The following TIAM2 variants were observed in gnomAD, a reference collection of about 807,000 sequenced individuals.
TIAM2 encodes TIAM Rac1 associated GEF 2.
In TIAM2, 80 loss-of-function variants were observed where a neutral mutation model predicts 152.9. The observed-to-expected ratio is 0.52, with a 90% CI of 0.44 to 0.63. TIAM2 has a LOEUF of 0.63. TIAM2 is among the 30% of genes least tolerant of loss of function. The pLI, the probability that TIAM2 is intolerant of heterozygous loss-of-function variation, is 0.00. For missense variants in TIAM2, 1,965 were observed against 2,120.1 expected (o/e 0.93, Z 1.44); for synonymous variants, 804 against 838.0 (o/e 0.96, Z 0.70).
intron 2 of TIAM2, among the ~76,000 whole-genome samples, chr6:155,125,518 G>A (rs1050602615): frequency 1.3e-5 from 2 of 152,088 alleles, no homozygotes; most frequent in African/African-American, 2.4e-5. Context: ...CAGCTGTTGC[G>A]GAAAACAGTA....
At chr6:155,117,191 A>T (rs1433563624) in intron 2 of TIAM2, among the ~76,000 whole-genome samples, 2 of 152,262 alleles carry the variant, frequency 1.3e-5, no homozygotes, top group East Asian at 3.9e-4. Flanking sequence ...GTAATTTAAA[A>T]AATTAAAAAA....
intron 7 of TIAM2, 81 bp downstream of exon 7, chr6:155,148,415 G>A (rs1235959003): frequency 2.6e-5 from 35 of 1,355,202 alleles, no homozygotes; most frequent in Middle Eastern, 2.6e-4. Flanking sequence ...TCATCTTGGT[G>A]GTATTTCTTG....
At chr6:155,130,684 G>T (rs1324430389) in intron 4 of TIAM2, among the ~76,000 whole-genome samples, 2 of 152,172 alleles carry the variant, frequency 1.3e-5, no homozygotes, top group Non-Finnish European at 2.9e-5. Flanking sequence ...CACAGACTTG[G>T]TTTAATCAAC....
At chr6:155,123,535 C>T (rs1453383089) in intron 2 of TIAM2, among the ~76,000 whole-genome samples, 1 of 152,066 alleles carries the variant, frequency 6.6e-6, no homozygotes, top group African/African-American at 2.4e-5. Flanking sequence ...TAGAAATATC[C>T]CATGAAATAA....
rs779923938 is a variant in TIAM2, at chr6:155,249,898, CAGA to C, written c.3884_3886del (p.Lys1295del). The C allele has an allele frequency of 3.1e-6, 5 of 1,613,974 alleles. No individual in the cohort carries two copies. Among genetic ancestry groups the C allele is most frequent in the South Asian group, 1.1e-5 (1 of 91,072 alleles). ...AGTAGCGAGCCACATCAATGAGATG[CAGA>C]AGATCTATGAGGATTATGGGACCGT... On this transcript the variant is annotated inframe_deletion, in exon 21 of 27. Transcript: ENST00000682666.
chr6:155,037,671 A>G (rs1202382755), intron 1 of TIAM2, among the ~76,000 whole-genome samples: 1 of 152,092 alleles, frequency 6.6e-6, no homozygotes, highest in Non-Finnish European at 1.5e-5. Flanking sequence ...TGGGATTAAC[A>G]GGCACGCACC....
chr6:155,153,833 G>A (rs971541460), intron 7 of TIAM2, among the ~76,000 whole-genome samples: 4 of 152,010 alleles, frequency 2.6e-5, no homozygotes, highest in Admixed American at 6.6e-5. Flanking sequence ...TGTTGACCAG[G>A]CTGTTCTCAA....
chr6:155,066,762 G>GTT (rs72368466), intron 1 of TIAM2, among the ~76,000 whole-genome samples: 4 of 151,092 alleles, frequency 2.6e-5, no homozygotes, highest in African/African-American at 7.3e-5. Context: ...TTGTTTGTTT[G>GTT]TTTGTTTTTT....
intron 15 of TIAM2, among the ~76,000 whole-genome samples, chr6:155,215,250 A>G (rs562215341): frequency 6.6e-6 from 1 of 152,360 alleles, no homozygotes; most frequent in East Asian, 1.9e-4. Flanking sequence ...TATGGTAACT[A>G]AGCAAAACAT....
At chr6:155,159,112 T>C (rs937800342) in intron 7 of TIAM2, among the ~76,000 whole-genome samples, 2 of 149,126 alleles carry the variant, frequency 1.3e-5, no homozygotes, top group African/African-American at 5.2e-5. Flanking sequence ...TATGTCACCT[T>C]CTGAAGAATT....
chr6:155,143,689 G>T (rs1779761695), intron 5 of TIAM2, among the ~76,000 whole-genome samples: 1 of 152,180 alleles, frequency 6.6e-6, no homozygotes, highest in Non-Finnish European at 1.5e-5. Context: ...CTTACATTGA[G>T]ATTCCCTAAA....
At position 155,094,733 on chromosome 6, in the gene TIAM2, T is replaced by TTG. The variant is rs1554229781; in HGVS notation, c.-118+4355_-118+4356insGT. Among the ~76,000 whole-genome samples the TTG allele has an allele frequency of 6.1e-5, 9 of 147,442 alleles. No homozygotes were observed. In the South Asian group the frequency reaches 6.5e-4, roughly 11 times the overall value. On this transcript the variant is annotated intron_variant, in intron 2 of 26. Coordinates refer to ENST00000682666, the MANE Select transcript of TIAM2 (RefSeq NM_012454.4). Reference sequence around the variant, plus strand: ...CCTGGCTATATCTATGGTTTTTTTTTTTTTGTTTTTTTGTTTTTTTGTTTT... The same window carrying TTG: ...CCTGGCTATATCTATGGTTTTTTTTTTGTTTTGTTTTTTTGTTTTTTTGTTTT...
intron 2 of TIAM2, among the ~76,000 whole-genome samples, chr6:155,093,067 C>A (rs1778339392): frequency 6.6e-6 from 1 of 152,164 alleles, no homozygotes; most frequent in Non-Finnish European, 1.5e-5. Flanking sequence ...ATGCCATTTT[C>A]TGTGTGTATA....
chr6:155,065,224 G>A (rs1777666727), intron 1 of TIAM2, among the ~76,000 whole-genome samples: 1 of 152,124 alleles, frequency 6.6e-6, no homozygotes, highest in East Asian at 1.9e-4. Context: ...AAAGTGCTGG[G>A]ATTACAGGCG....
At chr6:155,251,099 A>G (rs1188794861) in intron 22 of TIAM2, 78 bp downstream of exon 22, 1 of 1,257,640 alleles carries the variant, frequency 8.0e-7, no homozygotes, top group African/African-American at 1.5e-5. Flanking sequence ...GCACCAGTCC[A>G]GCTCACTCCT....
chr6:155,225,502 T>C (rs1002442096), intron 15 of TIAM2, among the ~76,000 whole-genome samples: 1 of 152,236 alleles, frequency 6.6e-6, no homozygotes, highest in Non-Finnish European at 1.5e-5. Flanking sequence ...AGAAAGTCTC[T>C]GTTCACATTC....
chr6:155,036,006 C>A (rs1223724303), intron 1 of TIAM2, among the ~76,000 whole-genome samples: 1 of 152,040 alleles, frequency 6.6e-6, no homozygotes, highest in African/African-American at 2.4e-5. Context: ...TTGGGTAAAT[C>A]TTTCTGGACA....
In TIAM2 at chr6:155,249,425, T is replaced by C. The variant is rs1230677846; in HGVS notation, c.3833-426T>C. 2.6e-5 allele frequency among the ~76,000 whole-genome samples: 4 copies of C among 152,172 alleles called. No homozygotes were observed. The East Asian group carries it at 7.7e-4, about 29-fold the overall frequency. On this transcript the variant is annotated intron_variant, in intron 20 of 26. Coordinates refer to ENST00000682666, the MANE Select transcript of TIAM2 (RefSeq NM_012454.4). ...GCTTGGGTTTGAAGCCTGGCTCCAT[T>C]CTTGTGTTTTCCTCTCTGGAACTCT...
At chr6:155,076,616 A>G (rs562406168) in intron 1 of TIAM2, among the ~76,000 whole-genome samples, 39 of 152,312 alleles carry the variant, frequency 2.6e-4, no homozygotes, top group African/African-American at 8.9e-4. Context: ...GAGAACAGCA[A>G]AATCCTGAAA....
Sources: gnomAD v4.1 joint callset for allele counts (sites outside exome capture counted in the v4.1 genomes callset) on GRCh38, gnomAD v4.1.1 for gene constraint, MANE v1.5 for transcripts, NCBI Gene and HGNC (gene_info 2026-07-23, HGNC 2026-07-21) for gene names.